Variants in ARHGAP15 observed in about 807,000 individuals in gnomAD.
The protein encoded by ARHGAP15 is Rho GTPase activating protein 15.
A neutral mutation model predicts 63.7 loss-of-function variants in ARHGAP15; 51 were observed. That is an observed-to-expected ratio of 0.80 (90% CI 0.64 to 1.01). The LOEUF (loss-of-function observed/expected upper bound fraction) is 1.01, where lower values mean the gene tolerates loss of function less well. Among genes scored for constraint, ARHGAP15 ranks in the 50% least tolerant of loss-of-function variants. The pLI is 0.00. For missense variants in ARHGAP15, 560 were observed against 564.6 expected (o/e 0.99, Z 0.08); for synonymous variants, 191 against 193.8 (o/e 0.99, Z 0.12).
At chr2:143,418,218 A>T (rs947343261) in intron 6 of ARHGAP15, among the ~76,000 whole-genome samples, 5 of 152,168 alleles carry the variant, frequency 3.3e-5, no homozygotes, top group African/African-American at 1.2e-4. Context: ...AGTCATCAGG[A>T]CAGCCCCGTG....
chr2:143,612,976 G>T (rs1698315146), intron 11 of ARHGAP15, among the ~76,000 whole-genome samples: 1 of 152,176 alleles, frequency 6.6e-6, no homozygotes. Flanking sequence ...TTACTACAAT[G>T]CTCAATGACG....
At chr2:143,311,571 T>A (rs1158728703) in intron 6 of ARHGAP15, among the ~76,000 whole-genome samples, 9 of 152,090 alleles carry the variant, frequency 5.9e-5, no homozygotes, top group Non-Finnish European at 1.2e-4. Context: ...ATGCCTTAGC[T>A]CCGTTAAAAC....
intron 2 of ARHGAP15, among the ~76,000 whole-genome samples, chr2:143,188,790 AT>A (rs1380303306): frequency 6.6e-6 from 1 of 151,316 alleles, no homozygotes; most frequent in East Asian, 1.9e-4. Flanking sequence ...CCGGCTAATT[AT>A]TTTTTTGTAT....
intron 6 of ARHGAP15, among the ~76,000 whole-genome samples, chr2:143,410,282 C>T (rs930567818): frequency 2.2e-4 from 33 of 152,072 alleles, no homozygotes; most frequent in African/African-American, 8.0e-4. Context: ...ACATGAAGAT[C>T]CATGTGATGT....
At chr2:143,384,550 T>C (rs1282087871) in intron 6 of ARHGAP15, among the ~76,000 whole-genome samples, 1 of 128,964 alleles carries the variant, frequency 7.8e-6, no homozygotes, top group Non-Finnish European at 1.6e-5. Flanking sequence ...CAAAAAGGCC[T>C]ATGTGTTTTA....
chr2:143,145,219 G>A (rs1689532519), intron 1 of ARHGAP15, among the ~76,000 whole-genome samples: 1 of 152,010 alleles, frequency 6.6e-6, no homozygotes, highest in Non-Finnish European at 1.5e-5. Context: ...GTGGAATGGG[G>A]TTTTGTGGAT....
intron 8 of ARHGAP15, among the ~76,000 whole-genome samples, chr2:143,452,996 C>G (rs912650204): frequency 4.6e-5 from 7 of 151,836 alleles, no homozygotes; most frequent in African/African-American, 1.7e-4. Flanking sequence ...TGTTATGTCT[C>G]CCATACCACG....
At chr2:143,431,084 CAG>C (rs1471559386) in intron 6 of ARHGAP15, among the ~76,000 whole-genome samples, 1 of 152,002 alleles carries the variant, frequency 6.6e-6, no homozygotes, top group African/African-American at 2.4e-5. Flanking sequence ...AAAGAAAAAT[CAG>C]AGCTAGGATT....
chr2:143,316,256 C>T (rs978908956), intron 6 of ARHGAP15, among the ~76,000 whole-genome samples: 1 of 151,896 alleles, frequency 6.6e-6, no homozygotes, highest in African/African-American at 2.4e-5. Flanking sequence ...GCAAAAATGC[C>T]ATTCTCAAAC....
chr2:143,731,990 C>T (rs573970405), intron 13 of ARHGAP15, among the ~76,000 whole-genome samples: 1 of 152,298 alleles, frequency 6.6e-6, no homozygotes, highest in African/African-American at 2.4e-5. Flanking sequence ...GCCCCTGTGG[C>T]CAGCTTCTAT....
At chr2:143,134,135 CT>C (rs1179082794) in intron 1 of ARHGAP15, among the ~76,000 whole-genome samples, 30 of 30,212 alleles carry the variant, frequency 9.9e-4, no homozygotes, top group Non-Finnish European at 2.9e-3. Context: ...ATCTATCTAT[CT>C]ATCTATCTAT....
At chr2:143,356,925 A>G (rs1191874922) in intron 6 of ARHGAP15, among the ~76,000 whole-genome samples, 3 of 152,200 alleles carry the variant, frequency 2.0e-5, no homozygotes, top group Non-Finnish European at 1.5e-5. Flanking sequence ...CCATCCGTCA[A>G]TTTATTAGCA....
chr2:143,509,717 G>A (rs1424558601), intron 9 of ARHGAP15, among the ~76,000 whole-genome samples: 3 of 152,048 alleles, frequency 2.0e-5, no homozygotes, highest in East Asian at 3.9e-4. Context: ...CAGAACTGGA[G>A]AAAATATAAA....
At chr2:143,286,585 C>T (rs960410660) in intron 6 of ARHGAP15, among the ~76,000 whole-genome samples, 10 of 152,164 alleles carry the variant, frequency 6.6e-5, no homozygotes, top group Non-Finnish European at 1.5e-4. Flanking sequence ...ATTAAATGCA[C>T]TGCTTCCTTT....
chr2:143,257,007 G>T (rs1280406834), intron 6 of ARHGAP15, among the ~76,000 whole-genome samples: 1 of 152,014 alleles, frequency 6.6e-6, no homozygotes, highest in African/African-American at 2.4e-5. Flanking sequence ...CTGTCTTTTT[G>T]CACGTTTAAT....
intron 13 of ARHGAP15, among the ~76,000 whole-genome samples, chr2:143,743,296 G>A (rs1228306574): frequency 2.6e-5 from 4 of 152,132 alleles, no homozygotes; most frequent in Admixed American, 2.0e-4. Flanking sequence ...ATAAGATAAT[G>A]CACTTCAGTA....
At chr2:143,677,035 G>A (rs1252829483) in intron 12 of ARHGAP15, among the ~76,000 whole-genome samples, 1 of 152,200 alleles carries the variant, frequency 6.6e-6, no homozygotes, top group Non-Finnish European at 1.5e-5. Context: ...TCAAAAAAAG[G>A]AAGTGATTGA....
intron 8 of ARHGAP15, among the ~76,000 whole-genome samples, chr2:143,449,888 T>A (rs927424794): frequency 1.3e-5 from 2 of 151,966 alleles, no homozygotes; most frequent in African/African-American, 2.4e-5. Context: ...TAAGAATCTT[T>A]CTCATAAATT....
chr2:143,432,931 T>A (rs762883089), intron 6 of ARHGAP15, among the ~76,000 whole-genome samples: 1 of 151,972 alleles, frequency 6.6e-6, no homozygotes, highest in African/African-American at 2.4e-5. Flanking sequence ...TCTTCCTTCA[T>A]CCCCTTACCC....
Sources: gnomAD v4.1 joint callset for allele counts (sites outside exome capture counted in the v4.1 genomes callset) on GRCh38, gnomAD v4.1.1 for gene constraint, MANE v1.5 for transcripts, NCBI Gene and HGNC (gene_info 2026-07-23, HGNC 2026-07-21) for gene names.